Variants in TYR observed in about 807,000 individuals in gnomAD.
TYR encodes tyrosinase, also known as LB24-AB.
Under a neutral mutation model 51.5 loss-of-function variants are expected in TYR, and 58 were observed. That is an observed-to-expected ratio of 1.13 (90% CI 0.91 to 1.40). The LOEUF (loss-of-function observed/expected upper bound fraction) is 1.40. Ranked by LOEUF, TYR falls within the 40% of genes most tolerant of loss-of-function variation. The pLI is 0.00. For missense variants in TYR, 732 were observed against 647.4 expected (o/e 1.13, Z -1.42); for synonymous variants, 263 against 235.2 (o/e 1.12, Z -1.08).
intron 3 of TYR, among the ~76,000 whole-genome samples, chr11:89,284,515 T>C (rs1944757816): frequency 6.6e-6 from 1 of 151,872 alleles, no homozygotes; most frequent in Non-Finnish European, 1.5e-5. Flanking sequence ...GGTTCAAAAC[T>C]CAATGTGTAA....
intron 3 of TYR, among the ~76,000 whole-genome samples, chr11:89,240,223 G>A (rs1224311450): frequency 6.6e-6 from 1 of 151,640 alleles, no homozygotes; most frequent in Admixed American, 6.6e-5. Flanking sequence ...TGTACATCCT[G>A]CACATGTACC....
intron 3 of TYR, among the ~76,000 whole-genome samples, chr11:89,278,729 A>C (rs2135320045): frequency 6.6e-6 from 1 of 151,830 alleles, no homozygotes; most frequent in South Asian, 2.1e-4. Flanking sequence ...GACATTAAAG[A>C]ACCATGTTGA....
At chr11:89,194,500 G>C (rs926702471) in intron 2 of TYR, among the ~76,000 whole-genome samples, 1 of 133,218 alleles carries the variant, frequency 7.5e-6, no homozygotes, top group Non-Finnish European at 1.6e-5. Flanking sequence ...GACATTTTAA[G>C]ACTATGCAAA....
intron 1 of TYR, among the ~76,000 whole-genome samples, chr11:89,190,476 G>C (rs1943428258): frequency 1.3e-5 from 2 of 152,006 alleles, no homozygotes; most frequent in Non-Finnish European, 2.9e-5. Context: ...TATAGGCTAA[G>C]GATATAATAA....
At chr11:89,245,838 A>C (rs796325323) in intron 3 of TYR, among the ~76,000 whole-genome samples, 24 of 151,834 alleles carry the variant, frequency 1.6e-4, no homozygotes, top group South Asian at 4.2e-4. Context: ...AGGAGAATGG[A>C]GTGAACCTGG....
chr11:89,284,231 GA>G (rs1036066887), intron 3 of TYR, among the ~76,000 whole-genome samples: 2 of 151,726 alleles, frequency 1.3e-5, no homozygotes, highest in African/African-American at 4.8e-5. Flanking sequence ...AAAAAGCCGA[GA>G]AACAAAGTTT....
chr11:89,242,197 G>A (rs1333612314), intron 3 of TYR, among the ~76,000 whole-genome samples: 5 of 151,854 alleles, frequency 3.3e-5, no homozygotes, highest in Admixed American at 3.3e-4. Flanking sequence ...TGTTTTTTGG[G>A]TTATCTTTGT....
intron 3 of TYR, among the ~76,000 whole-genome samples, chr11:89,267,335 C>T (rs1215543289): frequency 2.0e-5 from 3 of 151,954 alleles, no homozygotes; most frequent in East Asian, 1.9e-4. Flanking sequence ...ATCAGATACA[C>T]GTTCTTGGTC....
intron 2 of TYR, among the ~76,000 whole-genome samples, chr11:89,207,816 T>A (rs1031355995): frequency 2.0e-5 from 3 of 152,232 alleles, no homozygotes; most frequent in African/African-American, 7.2e-5. Flanking sequence ...ATATTCTGTA[T>A]CTTGACCCTT....
At chr11:89,201,337 A>G (rs1268353734) in intron 2 of TYR, among the ~76,000 whole-genome samples, 1 of 152,180 alleles carries the variant, frequency 6.6e-6, no homozygotes, top group African/African-American at 2.4e-5. Flanking sequence ...TCTGAATCCT[A>G]CATTCAAGTG....
intron 1 of TYR, among the ~76,000 whole-genome samples, chr11:89,180,546 C>A (rs1943287573): frequency 6.6e-6 from 1 of 150,420 alleles, no homozygotes; most frequent in African/African-American, 2.5e-5. Context: ...AATTTTAATA[C>A]TCTCTAGAAA....
intron 1 of TYR, among the ~76,000 whole-genome samples, chr11:89,182,468 T>C (rs1023442446): frequency 6.6e-6 from 1 of 152,154 alleles, no homozygotes; most frequent in African/African-American, 2.4e-5. Context: ...TCCATATGTA[T>C]GTCTGCGTGT....
chr11:89,224,691 A>G (rs1272012253), intron 2 of TYR, among the ~76,000 whole-genome samples: 1 of 152,164 alleles, frequency 6.6e-6, no homozygotes, highest in African/African-American at 2.4e-5. Flanking sequence ...TCTTCCACCT[A>G]TCCTGAATTC....
At chr11:89,202,941 T>C (rs1943619050) in intron 2 of TYR, among the ~76,000 whole-genome samples, 1 of 152,144 alleles carries the variant, frequency 6.6e-6, no homozygotes, top group South Asian at 2.1e-4. Context: ...TTTAGTAAAA[T>C]CTCTAGTGTA....
At chr11:89,209,220 C>A (rs1187088890) in intron 2 of TYR, among the ~76,000 whole-genome samples, 1 of 152,200 alleles carries the variant, frequency 6.6e-6, no homozygotes, top group African/African-American at 2.4e-5. Context: ...CCTGGAGGAA[C>A]AGTACACTCT....
chr11:89,247,105 T>C (rs1944276620), intron 3 of TYR, among the ~76,000 whole-genome samples: 1 of 152,212 alleles, frequency 6.6e-6, no homozygotes, highest in African/African-American at 2.4e-5. Flanking sequence ...TATACCATTA[T>C]AGTCATATTT....
At chr11:89,263,271 A>G (rs1377169170) in intron 3 of TYR, among the ~76,000 whole-genome samples, 2 of 152,010 alleles carry the variant, frequency 1.3e-5, no homozygotes, top group African/African-American at 4.8e-5. Flanking sequence ...GGTCATCTCA[A>G]TAGGTGCAGA....
chr11:89,210,573 C>T (rs946529554), intron 2 of TYR, among the ~76,000 whole-genome samples: 1 of 152,140 alleles, frequency 6.6e-6, no homozygotes, highest in Non-Finnish European at 1.5e-5. Context: ...ACTTCCCCAA[C>T]CTAGCAAGGC....
At chr11:89,284,083 T>A (rs1275817485) in intron 3 of TYR, 5 of 152,014 alleles carry the variant, frequency 3.3e-5, no homozygotes, top group African/African-American at 9.7e-5. Context: ...AATATTGTTA[T>A]ATCAACTGCC....
Sources: gnomAD v4.1 joint callset for allele counts (sites outside exome capture counted in the v4.1 genomes callset) on GRCh38, gnomAD v4.1.1 for gene constraint, MANE v1.5 for transcripts, NCBI Gene and HGNC (gene_info 2026-07-23, HGNC 2026-07-21) for gene names.